ASXL2: variants seen among roughly 807,000 people sequenced by gnomAD.
The protein encoded by ASXL2 is putative Polycomb group protein ASXL2.
In ASXL2, 23 loss-of-function variants were observed where a neutral mutation model predicts 122.0. That is an observed-to-expected ratio of 0.19 (90% CI 0.14 to 0.27). The LOEUF (loss-of-function observed/expected upper bound fraction) is 0.27, where lower values mean the gene tolerates loss of function less well. ASXL2 is among the 10% of genes least tolerant of loss of function. The pLI is 1.00. For missense variants in ASXL2, 1,518 were observed against 1,713.8 expected, an observed-to-expected ratio of 0.89 and a Z score of 2.02; for synonymous variants, 650 against 637.0, an observed-to-expected ratio of 1.02 and a Z score of -0.31.
intron 1 of ASXL2, among the ~76,000 whole-genome samples, chr2:25,862,779 T>A (rs975318749): frequency 6.6e-6 from 1 of 151,772 alleles, no homozygotes; most frequent in East Asian, 1.9e-4. Context: ...TTTTTTTTTT[T>A]ACTTTCAGTA....
At chr2:25,756,509 A>G (rs890680) in intron 9 of ASXL2, among the ~76,000 whole-genome samples, 40,604 of 150,058 alleles carry the variant, frequency 0.27, 5,850 homozygotes, top group African/African-American at 0.31. Context: ...CTAAAAATCT[A>G]AATGTAAATT....
chr2:25,811,059 C>T (rs1465451780), intron 3 of ASXL2, among the ~76,000 whole-genome samples: 1 of 135,596 alleles, frequency 7.4e-6, no homozygotes, highest in East Asian at 2.5e-4. Context: ...CAAAAATACA[C>T]ACACACACAC....
chr2:25,753,274 T>C (rs2088077590), intron 11 of ASXL2, among the ~76,000 whole-genome samples: 1 of 151,846 alleles, frequency 6.6e-6, no homozygotes, highest in Non-Finnish European at 1.5e-5. Flanking sequence ...AAAAAATTTG[T>C]TTTTAAAGAA....
chr2:25,788,071 T>C (rs867489570), intron 5 of ASXL2, among the ~76,000 whole-genome samples: 5 of 152,210 alleles, frequency 3.3e-5, no homozygotes, highest in Middle Eastern at 3.4e-3. Flanking sequence ...ACCATAACTA[T>C]ATGGTCAATT....
In ASXL2 at chr2:25,799,392, T is replaced by C. The variant is rs567653351; in HGVS notation, c.396A>G (p.Lys132=). 4 of 1,614,006 alleles carry C rather than the reference T, an allele frequency of 2.5e-6. No homozygotes were observed. The African/African-American group carries it at 5.3e-5, about 22-fold the overall frequency. The change falls in exon 5 of 13, where the codon AAA becomes AAG. Residue 132 remains lysine, a synonymous_variant. Transcript: ENST00000435504. ...AGGATCAGGTGGATTTACCTTTCCT[T>C]TTCCACCTGCTCTTTTTTCCCTCCT... is the stretch of plus-strand genomic sequence containing the variant. ...SNKEGKKSRW[K]RKVSSSSPQS... is the part of the protein sequence containing the mutation.
chr2:25,791,877 A>G (rs747855381), intron 5 of ASXL2, among the ~76,000 whole-genome samples: 3 of 152,230 alleles, frequency 2.0e-5, no homozygotes, highest in Non-Finnish European at 2.9e-5. Context: ...CTATCCCTCT[A>G]GATATGCTGA....
chr2:25,824,851 T>C (rs2089357573), intron 3 of ASXL2, among the ~76,000 whole-genome samples: 1 of 152,214 alleles, frequency 6.6e-6, no homozygotes, highest in Admixed American at 6.5e-5. Flanking sequence ...CTATTCTTTC[T>C]TTCATTCTTA....
chr2:25,806,207 G>T, intron 4 of ASXL2, 22 bp downstream of exon 4: 1 of 1,487,742 alleles, frequency 6.7e-7, no homozygotes, highest in South Asian at 1.2e-5. Flanking sequence ...CTTTCTAAAT[G>T]ACTCCCCAAC....
At chr2:25,750,672 C>A (rs2088029023) in intron 11 of ASXL2, among the ~76,000 whole-genome samples, 1 of 152,168 alleles carries the variant, frequency 6.6e-6, no homozygotes, top group Non-Finnish European at 1.5e-5. Flanking sequence ...TTCAATTGTA[C>A]ACTAGGTTTA....
chr2:25,805,229 C>T (rs2089064096), intron 4 of ASXL2, among the ~76,000 whole-genome samples: 2 of 152,142 alleles, frequency 1.3e-5, no homozygotes, highest in African/African-American at 2.4e-5. Context: ...GAATAATAAC[C>T]ACAACTGTGA....
Position 25,743,854 on chromosome 2 carries a change from C to T in ASXL2, c.2483G>A (p.Arg828Lys). ...VSHPQGPSSC[R>K]QEKAPSPTGP... ...TGTTGGAGAAGGTGCTTTCTCCTGT[C>T]TGCAACTACTGGGCCCTTGTGGATG... is the stretch of plus-strand genomic sequence containing the variant. Residue 828 changes from arginine (R) to lysine (K), a missense_variant, in exon 13 of 13, where the codon AGA becomes AAA. Physicochemically the swap from Arg to Lys is conservative, Grantham distance 26. Coordinates refer to ENST00000435504, the MANE Select transcript of ASXL2 (RefSeq NM_018263.6). The T allele has an allele frequency of 6.2e-7, 1 of 1,614,024 alleles. No homozygotes were observed. The highest frequency in any genetic ancestry group is 1.3e-5 in the African/African-American group (1 of 75,056).
At chr2:25,800,883 A>T (rs2088988745) in intron 4 of ASXL2, among the ~76,000 whole-genome samples, 1 of 152,208 alleles carries the variant, frequency 6.6e-6, no homozygotes, top group African/African-American at 2.4e-5. Context: ...TACATAATAT[A>T]TAAAAATACA....
chr2:25,866,332 T>C (rs1252784646), intron 1 of ASXL2, among the ~76,000 whole-genome samples: 1 of 152,100 alleles, frequency 6.6e-6, no homozygotes, highest in African/African-American at 2.4e-5. Flanking sequence ...GGTTTCACCA[T>C]GTTGGCCAGG....
chr2:25,857,006 T>C (rs2089787195), intron 1 of ASXL2: 1 of 271,062 alleles, frequency 3.7e-6, no homozygotes, highest in African/African-American at 2.2e-5. Flanking sequence ...GCAAGTTTCT[T>C]CATCACATGT....
At chr2:25,818,197 A>G (rs1051965391) in intron 3 of ASXL2, among the ~76,000 whole-genome samples, 5 of 152,218 alleles carry the variant, frequency 3.3e-5, no homozygotes, top group Admixed American at 6.5e-5. Context: ...ATGACTTACT[A>G]TACCTCAAAT....
chr2:25,748,639 T>C (rs1423925065), intron 12 of ASXL2, among the ~76,000 whole-genome samples: 1 of 152,242 alleles, frequency 6.6e-6, no homozygotes, highest in Non-Finnish European at 1.5e-5. Context: ...ACTAGTCTTA[T>C]TTTTCCATTT....
chr2:25,843,173 G>A (rs189746202), intron 2 of ASXL2, among the ~76,000 whole-genome samples: 3 of 151,968 alleles, frequency 2.0e-5, no homozygotes, highest in African/African-American at 7.2e-5. Flanking sequence ...ATGGTGGCAG[G>A]TGCCTGTAGT....
At position 25,739,976 on chromosome 2, in the gene ASXL2, C is replaced by T; in HGVS notation, c.*2053G>A. On this transcript the variant is annotated 3_prime_UTR_variant, in exon 13 of 13. Coordinates refer to ENST00000435504, the MANE Select transcript of ASXL2 (RefSeq NM_018263.6). ...TCTCTTTAAACCCTTCCTGGATTGC[C>T]CAAGGTACTGAATATTTGGGAGCAC... is the stretch of plus-strand genomic sequence containing the variant. The T allele has an allele frequency of 4.5e-6, 1 of 220,784 alleles. No homozygotes were observed. The highest frequency in any genetic ancestry group is 9.1e-6 in the Non-Finnish European group (1 of 110,078). 13.7% of individuals were successfully genotyped at this position (220,784 alleles called of 1,614,324 possible).
At position 25,792,299 on chromosome 2, in the gene ASXL2, G is replaced by C. The variant is rs1186444180; in HGVS notation, c.403+7086C>G. Among the ~76,000 whole-genome samples, 3 of 152,194 alleles carry C rather than the reference G, an allele frequency of 2.0e-5. No individual in the cohort carries two copies. In the East Asian group the frequency reaches 5.8e-4, roughly 29 times the overall value. On this transcript the variant is annotated intron_variant, in intron 5 of 12. Transcript: ENST00000435504. ...TTATAGGTGTGAGCCACCACAGCCT[G>C]CCTAACAAGTAGTTTAAACGGAGAT...
Sources: gnomAD v4.1 joint callset for allele counts (sites outside exome capture counted in the v4.1 genomes callset) on GRCh38, gnomAD v4.1.1 for gene constraint, MANE v1.5 for transcripts, NCBI Gene and HGNC (gene_info 2026-07-23, HGNC 2026-07-21) for gene names.